The following PTPRD variants were observed in gnomAD, a reference collection of about 807,000 sequenced individuals.
PTPRD encodes receptor-type tyrosine-protein phosphatase delta.
A neutral mutation model predicts 214.5 loss-of-function variants in PTPRD; 34 were observed. That is an observed-to-expected ratio of 0.16 (90% confidence interval 0.12 to 0.21). The LOEUF is 0.21. PTPRD is among the 10% of genes least tolerant of loss of function. PTPRD has a pLI of 1.00. For synonymous variants in PTPRD, 1,128 were observed against 845.7 expected, an observed-to-expected ratio of 1.33 and a Z score of -5.79; for missense variants, 2,545 against 2,398.7, an observed-to-expected ratio of 1.06 and a Z score of -1.27.
chr9:9,676,776 C>T (rs2096939479), intron 7 of PTPRD, among the ~76,000 whole-genome samples: 1 of 152,140 alleles, frequency 6.6e-6, no homozygotes, highest in Non-Finnish European at 1.5e-5. Flanking sequence ...TCCACATCCT[C>T]TCCAGCACCT....
intron 14 of PTPRD, among the ~76,000 whole-genome samples, chr9:8,541,491 A>T (rs2078397811): frequency 6.6e-6 from 1 of 152,092 alleles, no homozygotes. Flanking sequence ...TCCACTCTGG[A>T]GCAGCTAGGA....
chr9:9,920,066 A>G (rs546973988), intron 5 of PTPRD, among the ~76,000 whole-genome samples: 1 of 152,254 alleles, frequency 6.6e-6, no homozygotes, highest in South Asian at 2.1e-4. Context: ...CAATGTTAGC[A>G]ATTTTCAAAT....
At chr9:9,061,142 AG>A (rs113871360) in intron 10 of PTPRD, among the ~76,000 whole-genome samples, 1 of 152,176 alleles carries the variant, frequency 6.6e-6, no homozygotes, top group Non-Finnish European at 1.5e-5. Context: ...GGAGACTGTC[AG>A]GGTACCGGCT....
chr9:10,201,884 A>C (rs1262795167), intron 3 of PTPRD, among the ~76,000 whole-genome samples: 1 of 149,340 alleles, frequency 6.7e-6, no homozygotes, highest in Non-Finnish European at 1.5e-5. Context: ...TTTGAGAGGT[A>C]CAATTTTCAG....
chr9:10,223,904 C>A (rs1417299737), intron 3 of PTPRD, among the ~76,000 whole-genome samples: 1 of 151,568 alleles, frequency 6.6e-6, no homozygotes, highest in East Asian at 1.9e-4. Flanking sequence ...TTCTTCATCA[C>A]AGTAAATGCA....
chr9:8,814,158 A>T (rs2096873363), intron 11 of PTPRD, among the ~76,000 whole-genome samples: 1 of 107,262 alleles, frequency 9.3e-6, no homozygotes, highest in African/African-American at 2.6e-5. Context: ...GCTTTATGCA[A>T]GTATTTTTTT....
chr9:9,537,174 G>A (rs1224847791), intron 8 of PTPRD, among the ~76,000 whole-genome samples: 1 of 151,860 alleles, frequency 6.6e-6, no homozygotes, highest in Non-Finnish European at 1.5e-5. Context: ...AAGGTGGAGG[G>A]TTCTTACCTG....
At chr9:10,609,213 G>C (rs900237793) in intron 2 of PTPRD, among the ~76,000 whole-genome samples, 1 of 152,024 alleles carries the variant, frequency 6.6e-6, no homozygotes, top group African/African-American at 2.4e-5. Flanking sequence ...GACATACATA[G>C]ATAGTAGCTA....
chr9:9,169,264 G>T (rs1192168391), intron 10 of PTPRD, among the ~76,000 whole-genome samples: 3 of 151,872 alleles, frequency 2.0e-5, no homozygotes, highest in African/African-American at 7.3e-5. Flanking sequence ...TATATATAAA[G>T]GTCATACTAC....
At chr9:9,307,788 A>G (rs1196116039) in intron 9 of PTPRD, among the ~76,000 whole-genome samples, 1 of 152,184 alleles carries the variant, frequency 6.6e-6, no homozygotes, top group Non-Finnish European at 1.5e-5. Flanking sequence ...TTTATGATCT[A>G]TCATTTGTTA....
chr9:8,527,197 G>T, intron 16 of PTPRD, 148 bp downstream of exon 16: 1 of 737,062 alleles, frequency 1.4e-6, no homozygotes, highest in Non-Finnish European at 2.2e-6. Context: ...ACAGTTCTGT[G>T]GAGGTGTGTG....
chr9:9,816,910 G>GA (rs34409504), intron 5 of PTPRD, among the ~76,000 whole-genome samples: 71 of 151,408 alleles, frequency 4.7e-4, no homozygotes, highest in African/African-American at 1.6e-3. Flanking sequence ...TAATAATAAA[G>GA]AAAAAAAAGT....
chr9:8,336,748 C>T (rs564717929), intron 43 of PTPRD, among the ~76,000 whole-genome samples: 12 of 151,598 alleles, frequency 7.9e-5, no homozygotes, highest in South Asian at 6.3e-4. Flanking sequence ...AGAACTTAAA[C>T]GAATTTACAG....
chr9:10,212,870 G>A (rs1291704952), intron 3 of PTPRD, among the ~76,000 whole-genome samples: 1 of 152,152 alleles, frequency 6.6e-6, no homozygotes, highest in Non-Finnish European at 1.5e-5. Flanking sequence ...TTGCACGTCT[G>A]AGACTATTAA....
intron 35 of PTPRD, among the ~76,000 whole-genome samples, chr9:8,419,667 A>G (rs910599327): frequency 6.6e-6 from 1 of 152,008 alleles, no homozygotes; most frequent in African/African-American, 2.4e-5. Flanking sequence ...GGGGGGGCAT[A>G]TATTTCATCC....
chr9:8,952,618 T>A (rs2099108771), intron 11 of PTPRD, among the ~76,000 whole-genome samples: 2 of 151,792 alleles, frequency 1.3e-5, no homozygotes, highest in Non-Finnish European at 2.9e-5. Flanking sequence ...TCCAGGAGCT[T>A]CAAGAAAACT....
At position 8,458,239 on chromosome 9, in the gene PTPRD, T is replaced by C. The variant is rs557440004; in HGVS notation, c.3875+2172A>G. ...TTGTGGGATTAGGAAAAATTATAAG[T>C]GAGTTGATTTTTTAAGCACTTGCAG... On this transcript the variant is annotated intron_variant, in intron 33 of 45. Coordinates refer to ENST00000381196, the MANE Select transcript of PTPRD (RefSeq NM_002839.4). 8.5e-5 allele frequency among the ~76,000 whole-genome samples: 13 copies of C among 152,164 alleles called. No homozygotes were observed. The South Asian group carries it at 2.7e-3, about 32-fold the overall frequency.
At chr9:9,448,695 C>T (rs1042355913) in intron 8 of PTPRD, among the ~76,000 whole-genome samples, 1 of 152,080 alleles carries the variant, frequency 6.6e-6, no homozygotes, top group Non-Finnish European at 1.5e-5. Flanking sequence ...CTCTTACTTA[C>T]ATGGGCATGA....
chr9:9,520,307 A>G, intron 8 of PTPRD, among the ~76,000 whole-genome samples: 1 of 123,532 alleles, frequency 8.1e-6, no homozygotes, highest in East Asian at 2.2e-4. Context: ...ATATTAAGTT[A>G]TATATATATA....
Sources: allele counts gnomAD v4.1 joint callset (sites outside exome capture counted in the v4.1 genomes callset), GRCh38; gene constraint gnomAD v4.1.1; transcripts MANE v1.5; gene names NCBI Gene and HGNC (gene_info 2026-07-23, HGNC 2026-07-21).